Variants in KCNH4 observed in about 807,000 individuals in gnomAD.
KCNH4 encodes the protein potassium voltage-gated channel subfamily H member 4.
In KCNH4, 33 loss-of-function variants were observed where a neutral mutation model predicts 90.7. The ratio of observed to expected loss-of-function variants is 0.36; its 90% CI spans 0.28 to 0.49. The LOEUF is 0.49. Among genes scored for constraint, KCNH4 ranks in the 20% least tolerant of loss-of-function variants. KCNH4 has a pLI of 0.98. For synonymous variants in KCNH4, 551 were observed against 581.7 expected, an observed-to-expected ratio of 0.95 and a Z score of 0.76; for missense variants, 1,044 against 1,387.1, an observed-to-expected ratio of 0.75 and a Z score of 3.93.
chr17:42,164,693 T>G (rs2079773962), intron 11 of KCNH4, among the ~76,000 whole-genome samples: 1 of 151,646 alleles, frequency 6.6e-6, no homozygotes, highest in African/African-American at 2.4e-5. Context: ...TCCCAGCTAC[T>G]TGGGAGGCTG....
intron 4 of KCNH4, among the ~76,000 whole-genome samples, chr17:42,177,696 C>T (rs1279539778): frequency 6.6e-6 from 1 of 152,144 alleles, no homozygotes; most frequent in Non-Finnish European, 1.5e-5. Flanking sequence ...GACTCAATCC[C>T]CTGGCTTGGT....
At chr17:42,165,785 G>A in intron 10 of KCNH4, 92 bp from the exon 11 acceptor site, 1 of 1,471,896 alleles carries the variant, frequency 6.8e-7, no homozygotes, top group Non-Finnish European at 9.4e-7. Context: ...GGTGGTCAGT[G>A]TGTTTGAAGG....
At chr17:42,170,079 C>A in intron 8 of KCNH4, 28 bp downstream of exon 8, 1 of 1,565,032 alleles carries the variant, frequency 6.4e-7, no homozygotes, top group South Asian at 1.2e-5. Flanking sequence ...CGCAGGGCCC[C>A]ACTGAGGCGT....
In KCNH4 at chr17:42,159,779, A is replaced by G. The variant is rs889275295; in HGVS notation, c.*261T>C. On this transcript the variant is annotated 3_prime_UTR_variant, in exon 16 of 17. Transcript: ENST00000264661. ...AGTAGGATCTCATCTGCCCAGCCCAATGGGCACTGCGGTTCATCTCATGCC... is the reference window on the plus strand; with the variant it reads ...AGTAGGATCTCATCTGCCCAGCCCAGTGGGCACTGCGGTTCATCTCATGCC... 4.6e-5 allele frequency: 16 copies of G among 349,132 alleles called. No homozygotes were observed. The highest frequency in any genetic ancestry group is 2.3e-4 in the African/African-American group (11 of 47,458). The allele number at this position is 349,132 out of a possible 1,614,324, so 21.6% of individuals were successfully genotyped here. A position where few individuals can be genotyped will look rare whatever the true frequency, so the allele number is the denominator to read the frequency against.
chr17:42,169,323 G>A (rs2079809527), intron 9 of KCNH4, among the ~76,000 whole-genome samples, 154 bp downstream of exon 9: 1 of 152,096 alleles, frequency 6.6e-6, no homozygotes, highest in Admixed American at 6.5e-5. Context: ...CAAGTGACCT[G>A]CCCGCCTCAG....
In KCNH4 at chr17:42,166,323, C is replaced by T. The variant is rs754154794; in HGVS notation, c.1814G>A (p.Arg605Gln). The T allele has an allele frequency of 5.0e-6, 8 of 1,608,870 alleles. No individual in the cohort carries two copies. The highest frequency in any genetic ancestry group is 4.0e-5 in the African/African-American group (3 of 74,736). Residue 605 changes from arginine (R) to glutamine (Q), a missense_variant, in exon 10 of 17, where the codon CGA (arginine) becomes CAA (glutamine). Physicochemically the swap from Arg to Gln is conservative, Grantham distance 43 (BLOSUM62 1). Transcript: ENST00000264661. ...YVCSGSLEVL[R>Q]DNMVLAILGK... Reference sequence around the variant, plus strand: ...CAGGATGGCCAGCACCATGTTGTCTCGGAGCACCTCAAGCGAGCCGGAGCA... The same window carrying T: ...CAGGATGGCCAGCACCATGTTGTCTTGGAGCACCTCAAGCGAGCCGGAGCA...
Position 42,171,925 on chromosome 17 carries a change from C to G in KCNH4, c.1058G>C (p.Arg353Pro). The G allele has an allele frequency of 6.2e-7, 1 of 1,613,430 alleles. No individual in the cohort carries two copies. The highest frequency in any genetic ancestry group is 2.2e-5 in the East Asian group (1 of 44,824). Residue 353 changes from arginine to proline, a missense_variant, in exon 7 of 17, where the codon CGG becomes CCG. Coordinates refer to ENST00000264661, the MANE Select transcript of KCNH4 (RefSeq NM_012285.3). ...RLLRLLQKLE[R>P]YSQCSAVVLT... ...CACCACAGCACTGCACTGAGAGTACCGCTCCAGCTTCTGCAGCAGCCGCAG... is the reference window on the plus strand; with the variant it reads ...CACCACAGCACTGCACTGAGAGTACGGCTCCAGCTTCTGCAGCAGCCGCAG...
intron 15 of KCNH4, among the ~76,000 whole-genome samples, chr17:42,160,869 G>A (rs1047457947): frequency 6.6e-6 from 1 of 151,646 alleles, no homozygotes; most frequent in African/African-American, 2.4e-5. Context: ...AATCCTAAGA[G>A]GCCCAGAAAT....
At chr17:42,161,083 C>T (rs774537359) in intron 15 of KCNH4, among the ~76,000 whole-genome samples, 8 of 151,954 alleles carry the variant, frequency 5.3e-5, no homozygotes, top group Non-Finnish European at 8.8e-5. Context: ...TGTGCCACCA[C>T]GCCCGGCTAA....
chr17:42,180,957 G>T lies in KCNH4; in HGVS notation c.-12C>A, dbSNP rs764691777. ...TTCATGACCGGCATGGCCCCGGGGCGTGGGTTCAAGGCGCGGCGCTGGGGA... is the reference window on the plus strand; with the variant it reads ...TTCATGACCGGCATGGCCCCGGGGCTTGGGTTCAAGGCGCGGCGCTGGGGA... On this transcript the variant is annotated 5_prime_UTR_variant, in exon 1 of 17. Transcript: ENST00000264661. This position sits in a 1 kb window ranked among gnomAD's most constrained non-coding sequence, Gnocchi z 4.7. The T allele has an allele frequency of 1.2e-5, 19 of 1,610,742 alleles. No homozygotes were observed. In the South Asian group the frequency reaches 2.0e-4, roughly 17 times the overall value.
At chr17:42,173,007 G>A (rs988740781) in intron 6 of KCNH4, among the ~76,000 whole-genome samples, 1 of 151,726 alleles carries the variant, frequency 6.6e-6, no homozygotes, top group Non-Finnish European at 1.5e-5. Flanking sequence ...AGGGACTGAG[G>A]GAGGCTGGGC....
chr17:42,164,737 G>A (rs901841501), intron 11 of KCNH4, among the ~76,000 whole-genome samples: 3 of 152,070 alleles, frequency 2.0e-5, no homozygotes, highest in African/African-American at 7.2e-5. Flanking sequence ...GGGAGGCGGA[G>A]GTTGCAGTGA....
intron 5 of KCNH4, 141 bp from the exon 6 acceptor site, chr17:42,175,877 A>T (rs1312778259): frequency 4.8e-6 from 6 of 1,262,592 alleles, no homozygotes; most frequent in Non-Finnish European, 6.7e-6. Flanking sequence ...CTTAGGGAGG[A>T]TAGGTTACAA....
chr17:42,166,428 A>G lies in KCNH4; in HGVS notation c.1709T>C (p.Leu570Pro), dbSNP rs752124628. 32 of 1,614,012 alleles carry G rather than the reference A, an allele frequency of 2.0e-5. No homozygotes were observed. The South Asian group carries it at 2.5e-4, about 13-fold the overall frequency. Reference sequence around the variant, plus strand: ...AGCGCAGAACGAGGTCTTGATGTGCAGCGATAGGGCCCGCAGGCAGCCCCT... The same window carrying G: ...AGCGCAGAACGAGGTCTTGATGTGCGGCGATAGGGCCCGCAGGCAGCCCCT... ...ASRGCLRALS[L>P]HIKTSFCAPG... The change falls in exon 10 of 17, where the codon CTG becomes CCG. Residue 570 changes from leucine (L) to proline (P), a missense_variant. Coordinates refer to ENST00000264661, the MANE Select transcript of KCNH4 (RefSeq NM_012285.3).
chr17:42,164,759 G>A (rs11652990), intron 11 of KCNH4, among the ~76,000 whole-genome samples: 22,133 of 151,802 alleles, frequency 0.15, 2,131 homozygotes, highest in Non-Finnish European at 0.21. Flanking sequence ...CTGAGATGGC[G>A]CCACTACACT....
chr17:42,176,154 G>T lies in KCNH4; in HGVS notation c.729C>A (p.Thr243=), dbSNP rs757197644. Residue 243 remains threonine (T), a synonymous_variant, in exon 5 of 17, where the codon ACC becomes ACA. Coordinates refer to ENST00000264661, the MANE Select transcript of KCNH4 (RefSeq NM_012285.3). ...CCGAGAAACAGACATTGTAGGGGAC[G>T]GTGACCGCAACGTAGAAGGTGGCAA... ...ILLATFYVAV[T]VPYNVCFSGD... The T allele has an allele frequency of 1.2e-6, 2 of 1,613,822 alleles. No individual in the cohort carries two copies. Among genetic ancestry groups the T allele is most frequent in the African/African-American group, 2.7e-5 (2 of 74,872 alleles).
chr17:42,176,432 T>G, intron 4 of KCNH4, 135 bp from the exon 5 acceptor site: 35 of 684,046 alleles, frequency 5.1e-5, no homozygotes, highest in Non-Finnish European at 6.0e-5. Context: ...TGAAAGGAGA[T>G]AGAAGGCCAG....
At chr17:42,172,072 C>G (rs1323017928) in intron 6 of KCNH4, 77 bp from the exon 7 acceptor site, 1 of 1,251,444 alleles carries the variant, frequency 8.0e-7, no homozygotes, top group Non-Finnish European at 1.1e-6. Flanking sequence ...CAGGGCCTTC[C>G]CACCAGACAA....
At chr17:42,158,856 AT>A (rs1240646600) in intron 16 of KCNH4, among the ~76,000 whole-genome samples, 1 of 149,914 alleles carries the variant, frequency 6.7e-6, no homozygotes, top group Non-Finnish European at 1.5e-5. Flanking sequence ...ATATATATAT[AT>A]TTTTTTTATA....
Sources: allele counts gnomAD v4.1 joint callset (sites outside exome capture counted in the v4.1 genomes callset), GRCh38; gene constraint gnomAD v4.1.1; non-coding constraint Gnocchi (gnomAD v3.1); transcripts MANE v1.5; gene names NCBI Gene and HGNC (gene_info 2026-07-23, HGNC 2026-07-21).